The following GNL2 variants were observed in gnomAD, a reference collection of about 807,000 sequenced individuals.
GNL2 encodes the protein G protein nucleolar 2, also known as nucleolar GTP-binding protein 2.
Under a neutral mutation model 92.3 loss-of-function variants are expected in GNL2, and 51 were observed. The ratio of observed to expected loss-of-function variants is 0.55; its 90% CI spans 0.44 to 0.70. The LOEUF (loss-of-function observed/expected upper bound fraction) is 0.70. Ranked by LOEUF, GNL2 falls within the 30% of genes least tolerant of loss-of-function variation. The pLI is 0.00. For missense variants in GNL2, 844 were observed against 895.6 expected, an observed-to-expected ratio of 0.94 and a Z score of 0.74; for synonymous variants, 283 against 300.6, an observed-to-expected ratio of 0.94 and a Z score of 0.61.
chr1:37,582,583 T>C (rs1643787610), intron 7 of GNL2, among the ~76,000 whole-genome samples, 195 bp downstream of exon 7: 1 of 152,246 alleles, frequency 6.6e-6, no homozygotes, highest in South Asian at 2.1e-4. Flanking sequence ...TGGAGCATAA[T>C]GTGAAGCAGG....
At chr1:37,587,225 C>T (rs981478281) in intron 5 of GNL2, 86 bp downstream of exon 5, 3 of 1,015,610 alleles carry the variant, frequency 3.0e-6, no homozygotes, top group South Asian at 1.6e-5. Flanking sequence ...CAAGATCGCA[C>T]CACTGCATTC....
intron 1 of GNL2, 138 bp from the exon 2 acceptor site, chr1:37,593,984 T>C: frequency 1.7e-6 from 1 of 596,552 alleles, no homozygotes; most frequent in Non-Finnish European, 3.0e-6. Context: ...ACTTTCTCCA[T>C]ATGTTGCTCC....
intron 1 of GNL2, among the ~76,000 whole-genome samples, chr1:37,595,153 T>C (rs1366515275): frequency 1.3e-5 from 2 of 152,238 alleles, no homozygotes; most frequent in African/African-American, 2.4e-5. Context: ...TTCTAAACCA[T>C]ATTTTAAAAC....
At chr1:37,592,834 T>C (rs757938298) in intron 2 of GNL2, 28 bp from the exon 3 acceptor site, 2 of 1,273,844 alleles carry the variant, frequency 1.6e-6, no homozygotes, top group South Asian at 1.2e-5. Context: ...CAGATATTGG[T>C]TGACAACAGA....
intron 1 of GNL2, 139 bp from the exon 2 acceptor site, chr1:37,593,985 A>G: frequency 1.7e-6 from 1 of 591,706 alleles, no homozygotes; most frequent in Non-Finnish European, 3.0e-6. Flanking sequence ...CTTTCTCCAT[A>G]TGTTGCTCCA....
chr1:37,571,702 G>C (rs1643596483), intron 12 of GNL2, among the ~76,000 whole-genome samples: 1 of 152,194 alleles, frequency 6.6e-6, no homozygotes. Flanking sequence ...TGGTGTCTCA[G>C]CATATTGACT....
intron 8 of GNL2, 57 bp from the exon 9 acceptor site, chr1:37,576,613 A>G: frequency 6.4e-7 from 1 of 1,553,118 alleles, no homozygotes; most frequent in Non-Finnish European, 8.8e-7. Flanking sequence ...CCCTTTGGAC[A>G]AGTAGGTTGT....
intron 1 of GNL2, among the ~76,000 whole-genome samples, chr1:37,595,278 A>G (rs147275530): frequency 5.9e-5 from 9 of 152,336 alleles, no homozygotes; most frequent in African/African-American, 2.2e-4. Flanking sequence ...CCTTACTGCA[A>G]TGATCATACT....
Position 37,568,376 on chromosome 1 carries a change from G to GT in GNL2, c.1869-20dup. On this transcript the variant is annotated intron_variant, in intron 13 of 15. Transcript: ENST00000373062. The stretch of plus-strand genomic sequence containing the variant: ...GGATATTCTGAAACAGAAAAGCAAA[G>GT]TAACATTCCTCCTCTCACTCGCCCG... The GT allele has an allele frequency of 2.6e-6, 4 of 1,513,964 alleles. No homozygotes were observed. Among genetic ancestry groups the GT allele is most frequent in the Non-Finnish European group, 3.7e-6 (4 of 1,088,986 alleles). The allele number at this position is 1,513,964 out of a possible 1,614,324, so 93.8% of individuals were successfully genotyped here.
rs201852970 is a variant in GNL2, at chr1:37,566,908, T to C, written c.2143A>G (p.Asn715Asp). The change falls in exon 16 of 16, where the codon AAT becomes GAT. Residue 715 changes from asparagine to aspartate, a missense_variant. By Grantham distance (23) the Asn-to-Asp change is conservative (BLOSUM62 1). Transcript: ENST00000373062. ...KNRNRNKKKT[N>D]DSEGQKHKRK... ...TTGTGTTTCTGTCCCTCTGAGTCAT[T>C]GGTCTTCTTTTTGTTCCTGTTCCTA... 12 of 1,614,198 alleles carry C rather than the reference T, an allele frequency of 7.4e-6. No individual in the cohort carries two copies. The African/African-American group carries it at 1.1e-4, about 14-fold the overall frequency.
chr1:37,571,716 T>C (rs960163570), intron 12 of GNL2, among the ~76,000 whole-genome samples: 5 of 152,258 alleles, frequency 3.3e-5, no homozygotes, highest in African/African-American at 1.2e-4. Flanking sequence ...ATTGACTTGC[T>C]GTGTGCATTG....
intron 5 of GNL2, among the ~76,000 whole-genome samples, chr1:37,584,379 G>A (rs978391554): frequency 4.6e-5 from 7 of 151,638 alleles, no homozygotes; most frequent in African/African-American, 1.7e-4. Context: ...AGCCCAGGAG[G>A]TTGAGGCTGC....
chr1:37,582,622 C>G (rs530540793), intron 7 of GNL2, among the ~76,000 whole-genome samples, 156 bp downstream of exon 7: 2 of 152,334 alleles, frequency 1.3e-5, no homozygotes, highest in East Asian at 3.9e-4. Flanking sequence ...TCTCCTGGTG[C>G]CTCTGCCCAC....
At chr1:37,593,498 G>A (rs1394939439) in intron 2 of GNL2, 12 of 372,416 alleles carry the variant, frequency 3.2e-5, no homozygotes, top group East Asian at 3.0e-4. Context: ...GATTTAATGC[G>A]CCATTTGTGG....
intron 8 of GNL2, chr1:37,581,193 T>C: frequency 2.7e-6 from 1 of 363,766 alleles, no homozygotes; most frequent in Non-Finnish European, 5.4e-6. Context: ...CATAAGCATG[T>C]ACTAAAAATA....
chr1:37,572,877 C>A (rs958618406), intron 12 of GNL2, among the ~76,000 whole-genome samples: 1 of 152,150 alleles, frequency 6.6e-6, no homozygotes, highest in South Asian at 2.1e-4. Flanking sequence ...GTTAGTGTCA[C>A]AACTGAATTA....
Position 37,575,555 on chromosome 1 carries a change from C to A in GNL2, c.1143+40G>T. ...ATCCAGGGTTCCCTATAGAACACTC[C>A]CCCGCAAACACAAACAGCCTATCAG... On this transcript the variant is annotated intron_variant, in intron 10 of 15. Coordinates refer to ENST00000373062, the MANE Select transcript of GNL2 (RefSeq NM_013285.3). This position sits in a 1 kb window ranked among gnomAD's most constrained non-coding sequence, Gnocchi z 4.1. The A allele has an allele frequency of 8.1e-7, 1 of 1,230,528 alleles. No homozygotes were observed. Among genetic ancestry groups the A allele is most frequent in the Non-Finnish European group, 1.1e-6 (1 of 872,172 alleles). 76.2% of individuals were successfully genotyped at this position (1,230,528 alleles called of 1,614,324 possible). A position where few individuals can be genotyped will look rare whatever the true frequency, so the allele number is the denominator to read the frequency against.
In GNL2 at chr1:37,587,333, C is replaced by T. The variant is rs1452875521; in HGVS notation, c.547G>A (p.Val183Ile). ...TACCTCACACCAGTGTCTTCAGTTA[C>T]CAAATCACGATCCTTGCCCTGGTCA... is the stretch of plus-strand genomic sequence containing the variant. ...SYDQGKDRDL[V>I]TEDTGVRNEA... Residue 183 changes from valine (V) to isoleucine (I), a missense_variant, in exon 5 of 16, where the codon GTA (valine) becomes ATA (isoleucine). Transcript: ENST00000373062. 2 of 1,600,328 alleles carry T rather than the reference C, an allele frequency of 1.2e-6. No homozygotes were observed. The highest frequency in any genetic ancestry group is 1.7e-6 in the Non-Finnish European group (2 of 1,173,062).
At chr1:37,580,284 G>GC (rs1279250338) in intron 8 of GNL2, among the ~76,000 whole-genome samples, 7 of 152,138 alleles carry the variant, frequency 4.6e-5, no homozygotes, top group Admixed American at 4.6e-4. Flanking sequence ...GGGTGACAAA[G>GC]CAAGACCCTG....
Sources: gnomAD v4.1 joint callset for allele counts (sites outside exome capture counted in the v4.1 genomes callset) on GRCh38, gnomAD v4.1.1 for gene constraint, Gnocchi (gnomAD v3.1) non-coding constraint, MANE v1.5 for transcripts, NCBI Gene and HGNC (gene_info 2026-07-23, HGNC 2026-07-21) for gene names.